SEPTIN3: variants seen among roughly 807,000 people sequenced by gnomAD.
The protein encoded by SEPTIN3 is septin 3.
In SEPTIN3, 15 loss-of-function variants were observed where a neutral mutation model predicts 45.1. The observed-to-expected ratio is 0.33, with a 90% CI of 0.22 to 0.51. The LOEUF (loss-of-function observed/expected upper bound fraction) is 0.51, where lower values mean the gene tolerates loss of function less well. SEPTIN3 is among the 20% of genes least tolerant of loss of function. The pLI is 0.97. For synonymous variants in SEPTIN3, 148 were observed against 164.8 expected (o/e 0.90, Z 0.78); for missense variants, 289 against 457.2 (o/e 0.63, Z 3.35).
In SEPTIN3 at chr22:41,977,473, C is replaced by T. The variant is rs1429035939; in HGVS notation, c.1505-4172C>T. Among the ~76,000 whole-genome samples the T allele has an allele frequency of 3.3e-5, 5 of 152,184 alleles. No individual in the cohort carries two copies. The South Asian group carries it at 8.3e-4, about 25-fold the overall frequency. Reference sequence around the variant, plus strand: ...AGGCACACGCTGAGACAGGCACCAGCTGGTGGTCTCCAAGGGAACCCGTTG... The same window carrying T: ...AGGCACACGCTGAGACAGGCACCAGTTGGTGGTCTCCAAGGGAACCCGTTG... On this transcript the variant is annotated intron_variant, in intron 2 of 11. Transcript: ENST00000644076.
intron 2 of SEPTIN3, among the ~76,000 whole-genome samples, chr22:41,980,179 C>T (rs1410905397): frequency 8.8e-6 from 1 of 113,590 alleles, no homozygotes; most frequent in African/African-American, 3.7e-5. Context: ...GACTCTTTTG[C>T]TCAGGCTAGA....
At chr22:41,989,475 C>G (rs1333522340) in intron 6 of SEPTIN3, 92 bp from the exon 7 acceptor site, 2 of 832,920 alleles carry the variant, frequency 2.4e-6, no homozygotes, top group Non-Finnish European at 4.2e-6. Flanking sequence ...CCAGCCCAGT[C>G]CTCTTCTCCT....
rs368891248 is a variant in SEPTIN3 at position 41,973,420 on chromosome 22, C to T, written c.1504+424C>T. Among the ~76,000 whole-genome samples, 131 of 150,644 alleles carry T rather than the reference C, an allele frequency of 8.7e-4. 3 individuals carry two copies. In the South Asian group the frequency reaches 0.026, roughly 30 times the overall value. ...GCCTGTAATCCCAGCACTTTGGGAT[C>T]TGCCCAAGGCGGGCAGATCACAAGG... On this transcript the variant is annotated intron_variant, in intron 2 of 11. Coordinates refer to ENST00000644076, the MANE Select transcript of SEPTIN3 (RefSeq NM_001363845.2).
At chr22:41,984,884 G>A (rs1255951780) in intron 3 of SEPTIN3, among the ~76,000 whole-genome samples, 10 of 113,084 alleles carry the variant, frequency 8.8e-5, no homozygotes, top group Admixed American at 7.0e-4. Flanking sequence ...ACGGAGTCTC[G>A]CTCTGTCGCC....
At position 41,987,655 on chromosome 22, in the gene SEPTIN3, G is replaced by A. The variant is rs777825876; in HGVS notation, c.1941G>A (p.Gln647=). The stretch of plus-strand genomic sequence containing the variant: ...CCATTGAGAAGTACATCAATGAGCA[G>A]TACGAGAAGTTCCTGAAGGAGGAGG... ...WEPIEKYINE[Q]YEKFLKEEVN... Residue 647 remains glutamine (Q), a synonymous_variant, in exon 6 of 12, where the codon CAG becomes CAA. Coordinates refer to ENST00000644076, the MANE Select transcript of SEPTIN3 (RefSeq NM_001363845.2). 5 of 1,614,008 alleles carry A rather than the reference G, an allele frequency of 3.1e-6. No homozygotes were observed. In the Admixed American group the frequency reaches 8.3e-5, roughly 27 times the overall value.
intron 3 of SEPTIN3, among the ~76,000 whole-genome samples, chr22:41,982,830 G>T (rs2078143724): frequency 6.6e-6 from 1 of 151,594 alleles, no homozygotes; most frequent in Admixed American, 6.6e-5. Flanking sequence ...GGTGGAGGTT[G>T]CAGTGAGCTG....
intron 9 of SEPTIN3, among the ~76,000 whole-genome samples, chr22:41,993,048 T>C (rs915498918): frequency 3.9e-5 from 6 of 152,316 alleles, no homozygotes; most frequent in African/African-American, 1.4e-4. Context: ...AAGGTTTTCA[T>C]AGGAAGGGGG....
At chr22:41,979,870 C>T (rs1046461516) in intron 2 of SEPTIN3, among the ~76,000 whole-genome samples, 7 of 152,148 alleles carry the variant, frequency 4.6e-5, no homozygotes, top group South Asian at 2.1e-4. Flanking sequence ...CTCTCCCTCC[C>T]GCCCATCTGC....
chr22:41,977,087 G>A, intron 2 of SEPTIN3: 1 of 1,595,534 alleles, frequency 6.3e-7, no homozygotes. Context: ...AGGGCGGCCG[G>A]CCAGGCCACC....
At chr22:41,983,311 G>A (rs1346349154) in intron 3 of SEPTIN3, among the ~76,000 whole-genome samples, 1 of 152,248 alleles carries the variant, frequency 6.6e-6, no homozygotes, top group African/African-American at 2.4e-5. Flanking sequence ...TCAAGAACCA[G>A]TAGCAAATGG....
At chr22:41,977,353 A>G (rs1188247105) in intron 2 of SEPTIN3, among the ~76,000 whole-genome samples, 2 of 151,688 alleles carry the variant, frequency 1.3e-5, no homozygotes, top group Non-Finnish European at 2.9e-5. Flanking sequence ...CAAGACACGC[A>G]CACACACACA....
At chr22:41,975,419 C>T (rs939088503) in intron 2 of SEPTIN3, among the ~76,000 whole-genome samples, 2 of 152,166 alleles carry the variant, frequency 1.3e-5, no homozygotes, top group Non-Finnish European at 2.9e-5. Context: ...ACCCCACACA[C>T]TCAGTCTGGG....
intron 4 of SEPTIN3, 98 bp downstream of exon 4, chr22:41,986,210 A>T: frequency 4.8e-6 from 7 of 1,452,918 alleles, no homozygotes; most frequent in Non-Finnish European, 6.5e-6. Context: ...GATCAATAAA[A>T]GGCAACCTTA....
At chr22:41,978,248 C>T (rs1021268370) in intron 2 of SEPTIN3, among the ~76,000 whole-genome samples, 4 of 152,192 alleles carry the variant, frequency 2.6e-5, no homozygotes, top group Non-Finnish European at 4.4e-5. Context: ...ACCTGCCTCA[C>T]TCTGAAGTTC....
intron 11 of SEPTIN3, chr22:41,996,289 T>A: frequency 1.0e-6 from 1 of 985,410 alleles, no homozygotes; most frequent in Non-Finnish European, 1.2e-6. Flanking sequence ...TCTGTAAGAT[T>A]CATGAAATTC....
At chr22:41,986,151 T>C (rs1209866243) in intron 4 of SEPTIN3, 39 bp downstream of exon 4, 43 of 1,605,122 alleles carry the variant, frequency 2.7e-5, no homozygotes, top group Non-Finnish European at 3.5e-5. Flanking sequence ...CTTTGTTCAG[T>C]GAGTGCCTCT....
chr22:41,990,848 A>G (rs1385129328), intron 7 of SEPTIN3, among the ~76,000 whole-genome samples: 1 of 151,632 alleles, frequency 6.6e-6, no homozygotes, highest in Non-Finnish European at 1.5e-5. Flanking sequence ...TGGATCACCT[A>G]AGGTCAGGAG....
intron 3 of SEPTIN3, among the ~76,000 whole-genome samples, chr22:41,985,437 T>G (rs2078189953): frequency 6.6e-6 from 1 of 152,180 alleles, no homozygotes; most frequent in African/African-American, 2.4e-5. Flanking sequence ...TTCCTGGTCT[T>G]GCATGTATTA....
chr22:41,983,611 G>A (rs1381249569), intron 3 of SEPTIN3, among the ~76,000 whole-genome samples: 4 of 152,228 alleles, frequency 2.6e-5, no homozygotes, highest in South Asian at 4.1e-4. Context: ...GGCAGTGCTC[G>A]TCCACATGCC....
Sources: gnomAD v4.1 joint callset for allele counts (sites outside exome capture counted in the v4.1 genomes callset) on GRCh38, gnomAD v4.1.1 for gene constraint, MANE v1.5 for transcripts, NCBI Gene and HGNC (gene_info 2026-07-23, HGNC 2026-07-21) for gene names.